The following SYNDIG1 variants were observed in gnomAD, a reference collection of about 807,000 sequenced individuals.
SYNDIG1 encodes synapse differentiation-inducing gene protein 1.
SYNDIG1 carries 9 observed loss-of-function variants against 19.4 expected under a neutral mutation model. The observed-to-expected ratio is 0.46, with a 90% CI of 0.28 to 0.81. SYNDIG1 has a LOEUF of 0.81. SYNDIG1 is among the 30% of genes least tolerant of loss of function. SYNDIG1 has a pLI of 0.12. For missense variants in SYNDIG1, 311 were observed against 343.3 expected (o/e 0.91, Z 0.74); for synonymous variants, 141 against 145.9 (o/e 0.97, Z 0.24).
chr20:24,650,766 G>C (rs139927077), intron 3 of SYNDIG1, among the ~76,000 whole-genome samples: 3 of 152,178 alleles, frequency 2.0e-5, no homozygotes, highest in African/African-American at 7.2e-5. Context: ...AATGTATCTT[G>C]TACTTCTTAC....
chr20:24,617,883 GTT>G, intron 3 of SYNDIG1, among the ~76,000 whole-genome samples: 1 of 146,016 alleles, frequency 6.8e-6, no homozygotes, highest in African/African-American at 2.5e-5. Flanking sequence ...GCTGGGGAGG[GTT>G]GAGAGCCCGG....
intron 2 of SYNDIG1, among the ~76,000 whole-genome samples, chr20:24,544,886 C>G (rs2057543157): frequency 6.6e-6 from 1 of 152,038 alleles, no homozygotes; most frequent in Non-Finnish European, 1.5e-5. Context: ...AGACCCAGGG[C>G]TCTGTGACTT....
intron 1 of SYNDIG1, among the ~76,000 whole-genome samples, chr20:24,536,568 C>A (rs1391608741): frequency 1.3e-5 from 2 of 152,104 alleles, no homozygotes; most frequent in Non-Finnish European, 2.9e-5. Flanking sequence ...CCGGGTGTGC[C>A]CTTCCTAAAT....
chr20:24,619,225 A>G (rs757791421), intron 3 of SYNDIG1, among the ~76,000 whole-genome samples: 1 of 152,212 alleles, frequency 6.6e-6, no homozygotes, highest in Non-Finnish European at 1.5e-5. Flanking sequence ...AAACTTGACT[A>G]GTGTTACACC....
Position 24,665,337 on chromosome 20 carries a change from A to T in SYNDIG1, c.619-9A>T, listed in dbSNP as rs750047957. On this transcript the variant is annotated splice_polypyrimidine_tract_variant and intron_variant, in intron 3 of 3. Transcript: ENST00000376862. ...ACAATGACTTCCTTTTTCTTCTCCA[A>T]CTCTGCAGACCAACAAAGCCGTGGC... The T allele has an allele frequency of 6.3e-7, 1 of 1,590,336 alleles. No homozygotes were observed. Among genetic ancestry groups the T allele is most frequent in the Non-Finnish European group, 8.5e-7 (1 of 1,170,956 alleles).
intron 3 of SYNDIG1, among the ~76,000 whole-genome samples, chr20:24,621,590 T>C (rs1159601093): frequency 4.6e-5 from 7 of 152,156 alleles, no homozygotes. Flanking sequence ...CATCCTTTTT[T>C]TGGGGGAAAA....
At position 24,665,577 on chromosome 20, in the gene SYNDIG1, G is replaced by C. The variant is rs1356519155; in HGVS notation, c.*73G>C. The C allele has an allele frequency of 2.5e-6, 4 of 1,582,102 alleles. No homozygotes were observed. The highest frequency in any genetic ancestry group is 1.7e-6 in the Non-Finnish European group (2 of 1,166,294). The stretch of plus-strand genomic sequence containing the variant: ...CGTGGAGGAAGCAGGCATACCGCAT[G>C]ATGCTGTACAGTACAAATGATTGCC... On this transcript the variant is annotated 3_prime_UTR_variant, in exon 4 of 4. Coordinates refer to ENST00000376862, the MANE Select transcript of SYNDIG1 (RefSeq NM_024893.3).
At chr20:24,576,337 A>G (rs1282904727) in intron 2 of SYNDIG1, among the ~76,000 whole-genome samples, 1 of 152,254 alleles carries the variant, frequency 6.6e-6, no homozygotes, top group Admixed American at 6.5e-5. Context: ...ATTAGAATAA[A>G]GAGTGAAATA....
At chr20:24,523,364 CTGA>C (rs1456511257) in intron 1 of SYNDIG1, among the ~76,000 whole-genome samples, 5 of 152,308 alleles carry the variant, frequency 3.3e-5, no homozygotes, top group East Asian at 3.9e-4. Context: ...CTTGGTCAAA[CTGA>C]TGATGATGAC....
chr20:24,586,620 C>T (rs1568664010), intron 3 of SYNDIG1, among the ~76,000 whole-genome samples: 1 of 152,240 alleles, frequency 6.6e-6, no homozygotes, highest in South Asian at 2.1e-4. Context: ...GGACAGGTGA[C>T]ATCAAACGCA....
rs1187689948 is a variant in SYNDIG1 at position 24,658,539 on chromosome 20, A to T, written c.619-6807A>T. Among the ~76,000 whole-genome samples the T allele has an allele frequency of 6.6e-6, 1 of 151,524 alleles. No individual in the cohort carries two copies. The highest frequency in any genetic ancestry group is 1.5e-5 in the Non-Finnish European group (1 of 67,854). Reference sequence around the variant, plus strand: ...CGAGGGGCTTCCCCCTCCCACGGTCACCCCTGTGTCCTTCATCTTGCAGCC... The same window carrying T: ...CGAGGGGCTTCCCCCTCCCACGGTCTCCCCTGTGTCCTTCATCTTGCAGCC... On this transcript the variant is annotated intron_variant, in intron 3 of 3. Transcript: ENST00000376862. This position sits in a 1 kb window ranked among gnomAD's most constrained non-coding sequence, Gnocchi z 4.4.
At chr20:24,600,605 C>CTTT (rs71183379) in intron 3 of SYNDIG1, among the ~76,000 whole-genome samples, 3,138 of 130,700 alleles carry the variant, frequency 0.024, 110 homozygotes, top group African/African-American at 0.066. Context: ...ATCTTTCTTT[C>CTTT]TTTTTTTTTT....
intron 3 of SYNDIG1, among the ~76,000 whole-genome samples, chr20:24,611,091 GCTGCTGGAA>G (rs1249754212): frequency 3.3e-5 from 5 of 152,114 alleles, no homozygotes; most frequent in African/African-American, 1.2e-4. Flanking sequence ...CCTTATTTCT[GCTGCTGGAA>G]CTACTGTTTG....
chr20:24,520,783 ACTT>A (rs1278799368), intron 1 of SYNDIG1, among the ~76,000 whole-genome samples: 18 of 152,090 alleles, frequency 1.2e-4, no homozygotes, highest in Non-Finnish European at 2.4e-4. Context: ...CAACATTGTT[ACTT>A]CTTATTTTTT....
intron 2 of SYNDIG1, among the ~76,000 whole-genome samples, chr20:24,558,261 CA>C (rs1054726184): frequency 1.3e-5 from 2 of 151,840 alleles, no homozygotes; most frequent in South Asian, 4.2e-4. Context: ...TCTATTTATC[CA>C]AAAAAAATTG....
intron 3 of SYNDIG1, among the ~76,000 whole-genome samples, chr20:24,631,307 T>C (rs1360402391): frequency 6.6e-6 from 1 of 152,192 alleles, no homozygotes; most frequent in Admixed American, 6.5e-5. Flanking sequence ...AAATGGTGAC[T>C]CCTGCGGCGG....
At chr20:24,599,588 C>G (rs1261533248) in intron 3 of SYNDIG1, among the ~76,000 whole-genome samples, 1 of 152,124 alleles carries the variant, frequency 6.6e-6, no homozygotes, top group Non-Finnish European at 1.5e-5. Flanking sequence ...AACCGAAGTG[C>G]CAATCAGTGG....
At chr20:24,542,985 T>C (rs1305497001) in intron 1 of SYNDIG1, 35 bp from the exon 2 acceptor site, 2 of 1,487,206 alleles carry the variant, frequency 1.3e-6, no homozygotes, top group Middle Eastern at 2.4e-4. Flanking sequence ...TCAAGTGTGA[T>C]TCTCTTGTCT....
intron 3 of SYNDIG1, among the ~76,000 whole-genome samples, chr20:24,618,357 G>C (rs1178050064): frequency 6.6e-6 from 1 of 151,422 alleles, no homozygotes; most frequent in Non-Finnish European, 1.5e-5. Context: ...CCCGGGGAGG[G>C]GGGAGAGCCT....
Sources: allele counts gnomAD v4.1 joint callset (sites outside exome capture counted in the v4.1 genomes callset), GRCh38; gene constraint gnomAD v4.1.1; non-coding constraint Gnocchi (gnomAD v3.1); transcripts MANE v1.5; gene names NCBI Gene and HGNC (gene_info 2026-07-23, HGNC 2026-07-21).